XAB2: variants seen among roughly 807,000 people sequenced by gnomAD.
XAB2 encodes the protein pre-mRNA-splicing factor SYF1.
Under a neutral mutation model 113.4 loss-of-function variants are expected in XAB2, and 57 were observed. The ratio of observed to expected loss-of-function variants is 0.50; its 90% confidence interval spans 0.41 to 0.63. The LOEUF (loss-of-function observed/expected upper bound fraction) is 0.63. Among genes scored for constraint, XAB2 ranks in the 20% least tolerant of loss-of-function variants. The pLI is 0.00. For synonymous variants in XAB2, 497 were observed against 498.8 expected (o/e 1.00, Z 0.05); for missense variants, 1,037 against 1,233.3 (o/e 0.84, Z 2.38).
chr19:7,624,346 C>T lies in XAB2; in HGVS notation c.922G>A (p.Ala308Thr), dbSNP rs777337486. The change falls in exon 7 of 19, where the codon GCT (alanine) becomes ACT (threonine). Residue 308 changes from alanine to threonine, a missense_variant. By Grantham distance (58) the Ala-to-Thr change is moderately conservative. Transcript: ENST00000358368. The surrounding 1 kb of genome is among the most constrained non-coding windows in gnomAD (Gnocchi z 4.2). ...SYAQFEESMI[A>T]AKMETASELG... ...TCCGAGGCGGTCTCCATCTTTGCAG[C>T]GATCATGCTCTCCTCGAACTGGGCG... 3.7e-6 allele frequency: 6 copies of T among 1,614,024 alleles called. No homozygotes were observed. The highest frequency in any genetic ancestry group is 4.2e-6 in the Non-Finnish European group (5 of 1,180,040).
intron 18 of XAB2, 21 bp from the exon 19 acceptor site, chr19:7,619,668 A>G (rs749403153): frequency 2.5e-6 from 4 of 1,603,450 alleles, no homozygotes; most frequent in Non-Finnish European, 2.6e-6. Flanking sequence ...GGCGGGAGCC[A>G]GTCACCCTCC....
chr19:7,619,763 C>T lies in XAB2; in HGVS notation c.2490G>A (p.Met830Ile). The change falls in exon 18 of 19, where the codon ATG (methionine) becomes ATA (isoleucine). Residue 830 changes from methionine (M) to isoleucine (I), a missense_variant. Physicochemically the swap from Met to Ile is conservative, Grantham distance 10 (BLOSUM62 1). Coordinates refer to ENST00000358368, the MANE Select transcript of XAB2 (RefSeq NM_020196.3). ...QLGEDEDEDE[M>I]DLEPNEVRLE... Reference sequence around the variant, plus strand: ...GGCCCTCACCGTTGGGCTCCAGGTCCATCTCGTCCTCGTCCTCGTCCTCGC... The same window carrying T: ...GGCCCTCACCGTTGGGCTCCAGGTCTATCTCGTCCTCGTCCTCGTCCTCGC... 1 of 1,613,712 alleles carries T rather than the reference C, an allele frequency of 6.2e-7. No individual in the cohort carries two copies. Among genetic ancestry groups the T allele is most frequent in the Non-Finnish European group, 8.5e-7 (1 of 1,179,882 alleles).
At chr19:7,626,109 C>A in intron 5 of XAB2, 27 bp downstream of exon 5, 1 of 1,612,876 alleles carries the variant, frequency 6.2e-7, no homozygotes, top group Non-Finnish European at 8.5e-7. Context: ...GCCCTCCCAC[C>A]CAGTTGCCGG....
In XAB2 at chr19:7,620,531, C is replaced by T; in HGVS notation, c.2094+16G>A. 6.2e-7 allele frequency: 1 copy of T among 1,613,170 alleles called. No homozygotes were observed. ...CAGCCCCCAACCCTGATACCCGTCC[C>T]TCCCCACAGCCCTACCCGGGGGTCA... On this transcript the variant is annotated intron_variant, in intron 15 of 18. Coordinates refer to ENST00000358368, the MANE Select transcript of XAB2 (RefSeq NM_020196.3).
At position 7,622,661 on chromosome 19, in the gene XAB2, T is replaced by C; in HGVS notation, c.1372A>G (p.Lys458Glu). 6.2e-7 allele frequency: 1 copy of C among 1,611,876 alleles called. No homozygotes were observed. Among genetic ancestry groups the C allele is most frequent in the Non-Finnish European group, 8.5e-7 (1 of 1,179,928 alleles). Residue 458 changes from lysine (K) to glutamate (E), a missense_variant and splice_region_variant, in exon 11 of 19, where the codon AAG becomes GAG. Coordinates refer to ENST00000358368, the MANE Select transcript of XAB2 (RefSeq NM_020196.3). ...CGGCGGGCAGGCAGCGCCGTGGCCT[T>C]CTGCAGGGGCAGACAGTGGCCGGGG... is the stretch of plus-strand genomic sequence containing the variant. The part of the protein sequence containing the change: ...NYDEALRLLR[K>E]ATALPARRAE...
chr19:7,626,998 G>T (rs540294542), intron 4 of XAB2, among the ~76,000 whole-genome samples: 1 of 152,158 alleles, frequency 6.6e-6, no homozygotes, highest in Non-Finnish European at 1.5e-5. Context: ...TAAAAGCTCC[G>T]TGCAGGCAGG....
intron 16 of XAB2, 49 bp from the exon 17 acceptor site, chr19:7,620,124 A>G (rs761626858): frequency 6.2e-6 from 10 of 1,600,932 alleles, no homozygotes; most frequent in African/African-American, 2.7e-5. Context: ...CCTCCCACAC[A>G]TCGGACGTTG....
In XAB2 at chr19:7,620,979, A is replaced by G. The variant is rs2146183430; in HGVS notation, c.1838T>C (p.Met613Thr). 1 of 1,573,616 alleles carries G rather than the reference A, an allele frequency of 6.4e-7. No homozygotes were observed. The highest frequency in any genetic ancestry group is 2.3e-5 in the East Asian group (1 of 43,326). Residue 613 changes from methionine to threonine, a missense_variant, in exon 14 of 19, where the codon ATG becomes ACG. By Grantham distance (81) the Met-to-Thr change is moderately conservative (BLOSUM62 -1). Transcript: ENST00000358368. ...CCTGGTGGCACGCTCGTACACGGCC[A>G]TGGCATGCCGGGCCAGGCCCCACTC... The part of the protein sequence containing the change: ...EEEWGLARHA[M>T]AVYERATRAV...
In XAB2 at chr19:7,619,627, T is replaced by G; in HGVS notation, c.2527A>C (p.Ser843Arg). 2 of 1,603,678 alleles carry G rather than the reference T, an allele frequency of 1.2e-6. No homozygotes were observed. The highest frequency in any genetic ancestry group is 1.7e-6 in the Non-Finnish European group (2 of 1,174,674). ...EPNEVRLEQQSVPAAVFGSLK... is the reference protein window; with the variant it reads ...EPNEVRLEQQRVPAAVFGSLK... ...CTCCCAAACACTGCGGCTGGCACGC[T>G]CTGCTGCTCCAGCCGAACCTCTGTG... The change falls in exon 19 of 19, where the codon AGC (serine) becomes CGC (arginine). Residue 843 changes from serine (S) to arginine (R), a missense_variant. Ser to Arg is a moderately radical substitution (Grantham distance 110, BLOSUM62 -1). Transcript: ENST00000358368.
chr19:7,626,105 C>G (rs377735772), intron 5 of XAB2, 31 bp downstream of exon 5: 12 of 1,612,512 alleles, frequency 7.4e-6, no homozygotes, highest in Non-Finnish European at 8.5e-6. Context: ...GGTGGCCCTC[C>G]CACCCAGTTG....
At chr19:7,621,473 C>G (rs2031032891) in intron 12 of XAB2, 176 bp from the exon 13 acceptor site, 1 of 666,004 alleles carries the variant, frequency 1.5e-6, no homozygotes, top group Non-Finnish European at 2.5e-6. Flanking sequence ...TGCACTGTCT[C>G]CCTCTGTGAG....
chr19:7,627,640 C>G lies in XAB2; in HGVS notation c.324+88G>C. ...CAGGAATCCAAGCCCCCATCCCTAA[C>G]ATGCTGAGCCCAGCCCCTGTCCCCG... On this transcript the variant is annotated intron_variant, in intron 3 of 18. Transcript: ENST00000358368. The surrounding 1 kb of genome is among the most constrained non-coding windows in gnomAD (Gnocchi z 4.5). 1 of 1,577,650 alleles carries G rather than the reference C, an allele frequency of 6.3e-7. No homozygotes were observed. Among genetic ancestry groups the G allele is most frequent in the Non-Finnish European group, 8.6e-7 (1 of 1,158,608 alleles).
chr19:7,623,133 T>C lies in XAB2; in HGVS notation c.1239+37A>G. ...GCACACATATACAAGCACACACACATGCATGAACACACAGGCACACGCAAC... is the reference window on the plus strand; with the variant it reads ...GCACACATATACAAGCACACACACACGCATGAACACACAGGCACACGCAAC... On this transcript the variant is annotated intron_variant, in intron 9 of 18. Transcript: ENST00000358368. The surrounding 1 kb of genome is among the most constrained non-coding windows in gnomAD (Gnocchi z 4.6). The C allele has an allele frequency of 6.2e-7, 1 of 1,609,706 alleles. No individual in the cohort carries two copies. Among genetic ancestry groups the C allele is most frequent in the South Asian group, 1.1e-5 (1 of 90,948 alleles).
chr19:7,629,381 G>T, intron 1 of XAB2, 96 bp downstream of exon 1: 1 of 1,463,886 alleles, frequency 6.8e-7, no homozygotes, highest in Non-Finnish European at 9.3e-7. Context: ...TGGCAGTTTC[G>T]GCCTAAATCT....
At position 7,625,961 on chromosome 19, in the gene XAB2, G is replaced by GC; in HGVS notation, c.740dup (p.Leu248ProfsTer50). 6.2e-7 allele frequency: 1 copy of GC among 1,613,832 alleles called. No individual in the cohort carries two copies. The highest frequency in any genetic ancestry group is 8.5e-7 in the Non-Finnish European group (1 of 1,179,900). On this transcript the variant is annotated frameshift_variant, in exon 6 of 19. Transcript: ENST00000358368. LOFTEE classifies it high-confidence loss of function. This position sits in a 1 kb window ranked among gnomAD's most constrained non-coding sequence, Gnocchi z 5.2. Reference sequence around the variant, plus strand: ...CCAGCTGGTCGGTGAAGCGGGTGAGGCCCCCGCGGATGATGGCGTCCACAT... The same window carrying GC: ...CCAGCTGGTCGGTGAAGCGGGTGAGGCCCCCCGCGGATGATGGCGTCCACAT...
At position 7,625,531 on chromosome 19, in the gene XAB2, T is replaced by G. The variant is rs928653012; in HGVS notation, c.822+349A>C. 6.7e-6 allele frequency among the ~76,000 whole-genome samples: 1 copy of G among 149,072 alleles called. No individual in the cohort carries two copies. The highest frequency in any genetic ancestry group is 2.5e-5 in the African/African-American group (1 of 40,268). ...TCTCGCTCTGCCACCCAGGCTGGACTTCCGTGGCGCGATCGCAGCTCACGG... is the reference window on the plus strand; with the variant it reads ...TCTCGCTCTGCCACCCAGGCTGGACGTCCGTGGCGCGATCGCAGCTCACGG... On this transcript the variant is annotated intron_variant, in intron 6 of 18. Coordinates refer to ENST00000358368, the MANE Select transcript of XAB2 (RefSeq NM_020196.3). The surrounding 1 kb of genome is among the most constrained non-coding windows in gnomAD (Gnocchi z 5.2).
chr19:7,627,141 C>A lies in XAB2; in HGVS notation c.522+102G>T. On this transcript the variant is annotated intron_variant, in intron 4 of 18. Transcript: ENST00000358368. This position sits in a 1 kb window ranked among gnomAD's most constrained non-coding sequence, Gnocchi z 4.5. The stretch of plus-strand genomic sequence containing the variant: ...ACACATGCATCTCCAGGAGCCTCTT[C>A]CCACATCCCGTCTGCTGGGTGACAT... The A allele has an allele frequency of 7.4e-7, 1 of 1,348,280 alleles. No homozygotes were observed. The highest frequency in any genetic ancestry group is 1.3e-5 in the South Asian group (1 of 79,028). The allele number at this position is 1,348,280 out of a possible 1,614,324, so 83.5% of individuals were successfully genotyped here. A position where few individuals can be genotyped will look rare whatever the true frequency, so the allele number is the denominator to read the frequency against.
intron 16 of XAB2, 95 bp from the exon 17 acceptor site, chr19:7,620,170 C>T (rs961443817): frequency 1.9e-6 from 3 of 1,593,848 alleles, no homozygotes; most frequent in African/African-American, 2.7e-5. Context: ...GCCCAGCCCT[C>T]AAGGAGATTG....
rs998182896 is a variant in XAB2 at position 7,624,555 on chromosome 19, G to A, written c.823-110C>T. 1 of 1,502,804 alleles carries A rather than the reference G, an allele frequency of 6.7e-7. No homozygotes were observed. Among genetic ancestry groups the A allele is most frequent in the African/African-American group, 1.4e-5 (1 of 72,864 alleles). 93.1% of individuals were successfully genotyped at this position (1,502,804 alleles called of 1,614,324 possible). A position where few individuals can be genotyped will look rare whatever the true frequency, so the allele number is the denominator to read the frequency against. On this transcript the variant is annotated intron_variant, in intron 6 of 18. Transcript: ENST00000358368. The surrounding 1 kb of genome is among the most constrained non-coding windows in gnomAD (Gnocchi z 4.2). ...AACCCCTGGGGGCCTTCTGGGTAGT[G>A]ACGCATCCAGCACCTCTGGGTAGTG...
Sources: allele counts gnomAD v4.1 joint callset (sites outside exome capture counted in the v4.1 genomes callset), GRCh38; gene constraint gnomAD v4.1.1; non-coding constraint Gnocchi (gnomAD v3.1); transcripts MANE v1.5; gene names NCBI Gene and HGNC (gene_info 2026-07-23, HGNC 2026-07-21).